Variants in DLG2 observed in about 807,000 individuals in gnomAD.
DLG2 encodes the protein disks large homolog 2.
Under a neutral mutation model 132.5 loss-of-function variants are expected in DLG2, and 45 were observed. The observed-to-expected ratio is 0.34, with a 90% CI of 0.27 to 0.44. The LOEUF (loss-of-function observed/expected upper bound fraction) is 0.44, where lower values mean the gene tolerates loss of function less well. DLG2 is among the 20% of genes least tolerant of loss of function. The pLI is 1.00. For synonymous variants in DLG2, 424 were observed against 419.6 expected (o/e 1.01, Z -0.13); for missense variants, 1,045 against 1,196.9 (o/e 0.87, Z 1.87).
At chr11:83,596,173 C>G (rs2057545415) in intron 19 of DLG2, among the ~76,000 whole-genome samples, 1 of 152,152 alleles carries the variant, frequency 6.6e-6, no homozygotes, top group Admixed American at 6.5e-5. Flanking sequence ...GTCATCACAT[C>G]AAATCATCAA....
Position 83,986,667 on chromosome 11 carries a change from C to G in DLG2, c.920-6025G>C, listed in dbSNP as rs1247007578. On this transcript the variant is annotated intron_variant, in intron 11 of 27. Coordinates refer to ENST00000376104, the MANE Select transcript of DLG2 (RefSeq NM_001142699.3). The stretch of plus-strand genomic sequence containing the variant: ...TCCACAATGGTTGAACTAGTTTACA[C>G]TCCCACCGACAGTGTAAAAGTGTTC... 2.4e-4 allele frequency among the ~76,000 whole-genome samples: 36 copies of G among 151,902 alleles called. No individual in the cohort carries two copies. In the South Asian group the frequency reaches 4.4e-3, roughly 19 times the overall value.
chr11:84,707,989 C>T (rs922571627), intron 6 of DLG2, among the ~76,000 whole-genome samples: 12 of 151,764 alleles, frequency 7.9e-5, no homozygotes, highest in Non-Finnish European at 1.8e-4. Context: ...GAAACCTGGG[C>T]TTAAACCCAA....
chr11:85,011,974 AT>A, intron 6 of DLG2, among the ~76,000 whole-genome samples: 1 of 152,214 alleles, frequency 6.6e-6, no homozygotes, highest in Non-Finnish European at 1.5e-5. Context: ...ATTTTCCCTG[AT>A]TTCAAGGAAA....
chr11:84,210,435 T>C (rs1327118602), intron 8 of DLG2, among the ~76,000 whole-genome samples: 1 of 149,240 alleles, frequency 6.7e-6, no homozygotes, highest in Non-Finnish European at 1.5e-5. Flanking sequence ...TACCTAAGGC[T>C]AGATGACGAG....
chr11:84,080,992 C>CA (rs10707492), intron 10 of DLG2, among the ~76,000 whole-genome samples: 11 of 137,140 alleles, frequency 8.0e-5, no homozygotes, highest in Admixed American at 1.5e-4. Context: ...AACTCTGTCT[C>CA]AAAAAAAAAA....
intron 6 of DLG2, among the ~76,000 whole-genome samples, chr11:84,599,142 G>A (rs893597361): frequency 3.9e-5 from 6 of 152,140 alleles, no homozygotes; most frequent in African/African-American, 7.2e-5. Flanking sequence ...CTACTCAGGA[G>A]GCTGAGGCAG....
At chr11:83,626,503 A>C (rs2153446446) in intron 19 of DLG2, among the ~76,000 whole-genome samples, 1 of 152,332 alleles carries the variant, frequency 6.6e-6, no homozygotes, top group Admixed American at 6.5e-5. Flanking sequence ...GAATGCCTTA[A>C]GTTAAACGAG....
chr11:83,472,684 T>A (rs1418999658), intron 23 of DLG2, 43 bp downstream of exon 23: 1 of 1,582,492 alleles, frequency 6.3e-7, no homozygotes, highest in Non-Finnish European at 8.7e-7. Context: ...TGTCACCTCT[T>A]ATGGCCCAGA....
intron 3 of DLG2, among the ~76,000 whole-genome samples, chr11:85,333,716 G>C (rs1596316829): frequency 6.6e-6 from 1 of 152,244 alleles, no homozygotes; most frequent in East Asian, 1.9e-4. Flanking sequence ...TTCTGTTTAT[G>C]TGATGAATCA....
chr11:83,805,161 C>CTA (rs2045580638), intron 17 of DLG2, among the ~76,000 whole-genome samples: 1 of 152,098 alleles, frequency 6.6e-6, no homozygotes, highest in Admixed American at 6.6e-5. Flanking sequence ...AAATAACAAT[C>CTA]TATAAGGTGG....
At chr11:83,481,858 A>T (rs895343817) in intron 22 of DLG2, among the ~76,000 whole-genome samples, 1 of 152,066 alleles carries the variant, frequency 6.6e-6, no homozygotes, top group Admixed American at 6.6e-5. Flanking sequence ...AATTTGTTCA[A>T]TTTTTAAAGA....
At chr11:85,243,167 G>T (rs2075973604) in intron 4 of DLG2, among the ~76,000 whole-genome samples, 1 of 151,924 alleles carries the variant, frequency 6.6e-6, no homozygotes, top group African/African-American at 2.4e-5. Flanking sequence ...ATACCCACAG[G>T]TTACTTATAA....
intron 6 of DLG2, among the ~76,000 whole-genome samples, chr11:84,587,341 A>G (rs970991971): frequency 1.3e-5 from 2 of 152,304 alleles, no homozygotes; most frequent in African/African-American, 4.8e-5. Flanking sequence ...TGATGAAAAG[A>G]AGGTACCCAA....
rs138461796 is a variant in DLG2 at position 83,863,450 on chromosome 11, G to A, written c.1565+10970C>T. On this transcript the variant is annotated intron_variant, in intron 16 of 27. Transcript: ENST00000376104. ...TGTATCTCCTCAGGGTGTGTGAGAG[G>A]TGCACAGGAAATGTTTTGTTAAATG... Among the ~76,000 whole-genome samples the A allele has an allele frequency of 5.4e-4, 82 of 152,192 alleles. 1 individual carries two copies. Among genetic ancestry groups the A allele is most frequent in the Middle Eastern group, 6.8e-3 (2 of 294 alleles).
chr11:84,103,918 T>C (rs541289603), intron 9 of DLG2, among the ~76,000 whole-genome samples: 1 of 152,082 alleles, frequency 6.6e-6, no homozygotes, highest in Non-Finnish European at 1.5e-5. Context: ...TTTTAGAATT[T>C]TTCTACTTTA....
rs181976700 is a variant in DLG2 at position 85,352,200 on chromosome 11, C to A, written c.41-66835G>T. On this transcript the variant is annotated intron_variant, in intron 3 of 27. Coordinates refer to ENST00000376104, the MANE Select transcript of DLG2 (RefSeq NM_001142699.3). ...AGATTTTCTAGTTTATTTGCATAGA[C>A]GTGTTTATAGTATTCTCTGATGGTA... Among the ~76,000 whole-genome samples, 331 of 152,110 alleles carry A rather than the reference C, an allele frequency of 2.2e-3. 1 individual carries two copies. The highest frequency in any genetic ancestry group is 7.7e-3 in the African/African-American group (320 of 41,514).
At chr11:85,112,514 TA>T (rs2072936627) in intron 5 of DLG2, among the ~76,000 whole-genome samples, 1 of 152,204 alleles carries the variant, frequency 6.6e-6, no homozygotes, top group African/African-American at 2.4e-5. Context: ...CTTTATCTTT[TA>T]TTTTTTTCAT....
intron 3 of DLG2, among the ~76,000 whole-genome samples, chr11:85,431,578 T>C (rs2091186034): frequency 6.6e-6 from 1 of 152,210 alleles, no homozygotes; most frequent in African/African-American, 2.4e-5. Context: ...CTAAGCCAGT[T>C]GAGCTCCTTG....
intron 18 of DLG2, among the ~76,000 whole-genome samples, chr11:83,752,953 T>C (rs2093395956): frequency 6.6e-6 from 1 of 152,174 alleles, no homozygotes; most frequent in African/African-American, 2.4e-5. Context: ...ACAATGAGAA[T>C]GAGGAGAGTG....
Sources: gnomAD v4.1 joint callset for allele counts (sites outside exome capture counted in the v4.1 genomes callset) on GRCh38, gnomAD v4.1.1 for gene constraint, MANE v1.5 for transcripts, NCBI Gene and HGNC (gene_info 2026-07-23, HGNC 2026-07-21) for gene names.